The following ATP6V0A4 variants were observed in gnomAD, a reference collection of about 807,000 sequenced individuals.
ATP6V0A4 encodes the protein V-type proton ATPase 116 kDa subunit a 4.
In ATP6V0A4, 86 loss-of-function variants were observed where a neutral mutation model predicts 107.3. The observed-to-expected ratio is 0.80, with a 90% confidence interval of 0.67 to 0.96. The LOEUF (loss-of-function observed/expected upper bound fraction) is 0.96. ATP6V0A4 is among the 40% of genes least tolerant of loss of function. ATP6V0A4 has a pLI of 0.00. For synonymous variants in ATP6V0A4, 353 were observed against 381.4 expected (o/e 0.93, Z 0.87); for missense variants, 908 against 1,045.6 (o/e 0.87, Z 1.81).
chr7:138,726,231 C>G (rs544082100), intron 18 of ATP6V0A4, among the ~76,000 whole-genome samples: 1 of 152,098 alleles, frequency 6.6e-6, no homozygotes, highest in Non-Finnish European at 1.5e-5. Context: ...CCTTGTGATC[C>G]GCCCGCCTCG....
At chr7:138,747,351 T>C (rs1216449890) in intron 13 of ATP6V0A4, 74 bp downstream of exon 13, 2 of 1,542,290 alleles carry the variant, frequency 1.3e-6, no homozygotes, top group Non-Finnish European at 9.0e-7. Context: ...ATGTGTTATT[T>C]CTATGGTGAA....
chr7:138,793,623 TC>T (rs1404733808), intron 1 of ATP6V0A4, among the ~76,000 whole-genome samples: 6 of 152,222 alleles, frequency 3.9e-5, no homozygotes, highest in African/African-American at 1.4e-4. Flanking sequence ...TCATATGGTG[TC>T]TTTTAACTAA....
intron 20 of ATP6V0A4, among the ~76,000 whole-genome samples, chr7:138,712,401 C>G (rs1426474958): frequency 6.6e-6 from 1 of 152,002 alleles, no homozygotes; most frequent in Non-Finnish European, 1.5e-5. Context: ...ACACATAGTG[C>G]CAAACTCTGG....
intron 8 of ATP6V0A4, among the ~76,000 whole-genome samples, chr7:138,758,166 A>T (rs1310344925): frequency 6.6e-6 from 1 of 152,224 alleles, no homozygotes; most frequent in Non-Finnish European, 1.5e-5. Context: ...ATAAAAAGTG[A>T]TGATTTAATG....
intron 10 of ATP6V0A4, among the ~76,000 whole-genome samples, chr7:138,754,372 C>T (rs932472664): frequency 4.7e-5 from 7 of 149,234 alleles, no homozygotes; most frequent in African/African-American, 1.5e-4. Flanking sequence ...CACTTGAACC[C>T]GGGAGGCGGA....
chr7:138,766,188 TATC>T (rs1282136161), intron 5 of ATP6V0A4, among the ~76,000 whole-genome samples: 2 of 148,888 alleles, frequency 1.3e-5, no homozygotes, highest in Admixed American at 6.8e-5. Context: ...CACCTTAAAA[TATC>T]ATGTTATTAT....
intron 18 of ATP6V0A4, among the ~76,000 whole-genome samples, chr7:138,723,777 C>G (rs140545458): frequency 2.0e-5 from 3 of 151,794 alleles, no homozygotes; most frequent in Non-Finnish European, 4.4e-5. Flanking sequence ...CCACCTGCCT[C>G]GGCCTCCCAA....
chr7:138,784,236 G>GTA (rs869254063), intron 2 of ATP6V0A4, among the ~76,000 whole-genome samples: 470 of 16,796 alleles, frequency 0.028, 20 homozygotes, highest in African/African-American at 0.059. Context: ...ATATATATAC[G>GTA]TATATATATA....
intron 14 of ATP6V0A4, among the ~76,000 whole-genome samples, chr7:138,741,580 C>A (rs2117261817): frequency 6.6e-6 from 1 of 152,296 alleles, no homozygotes; most frequent in Middle Eastern, 3.4e-3. Context: ...AAAACAAGAT[C>A]ATTCCACAAT....
chr7:138,790,107 T>C (rs1323384224), intron 1 of ATP6V0A4, among the ~76,000 whole-genome samples: 2 of 152,136 alleles, frequency 1.3e-5, no homozygotes, highest in Non-Finnish European at 2.9e-5. Context: ...CTGTACATCC[T>C]AGATATGACT....
intron 2 of ATP6V0A4, among the ~76,000 whole-genome samples, chr7:138,780,640 C>G (rs764155903): frequency 1.1e-4 from 17 of 152,164 alleles, no homozygotes; most frequent in Non-Finnish European, 1.2e-4. Flanking sequence ...TCCCTGCCAC[C>G]ATAGCCACTT....
intron 7 of ATP6V0A4, among the ~76,000 whole-genome samples, chr7:138,761,236 G>A (rs958048338): frequency 1.3e-5 from 2 of 152,182 alleles, no homozygotes; most frequent in African/African-American, 4.8e-5. Context: ...CGAGGCAGAG[G>A]TAGGAAGATC....
chr7:138,757,744 A>G (rs1447050890), intron 8 of ATP6V0A4, among the ~76,000 whole-genome samples: 2 of 152,234 alleles, frequency 1.3e-5, no homozygotes, highest in Non-Finnish European at 2.9e-5. Flanking sequence ...ATAAAAATCC[A>G]CATGCATAAA....
Position 138,773,348 on chromosome 7 carries a change from C to T in ATP6V0A4, c.-17-2084G>A, listed in dbSNP as rs539519241. Among the ~76,000 whole-genome samples, 26 of 152,278 alleles carry T rather than the reference C, an allele frequency of 1.7e-4. No individual in the cohort carries two copies. Among genetic ancestry groups the T allele is most frequent in the East Asian group, 1.5e-3 (8 of 5,178 alleles). On this transcript the variant is annotated intron_variant, in intron 2 of 21. Transcript: ENST00000310018. The surrounding 1 kb of genome is among the most constrained non-coding windows in gnomAD (Gnocchi z 5.4). ...ATCCTCCTCTCCACCGTCCATCCCA[C>T]GCCCCGCATGACCCTGTCACTCCTC... is the stretch of plus-strand genomic sequence containing the variant.
Position 138,730,341 on chromosome 7 carries a change from A to AGTGTGTGTGTGTGT in ATP6V0A4, c.1909-1493_1909-1480dup, listed in dbSNP as rs369725759. ...CGATGACGTACAAAGCAACGGGATG[A>AGTGTGTGTGTGTGT]GTGTGTGTGTGTGTGTGTGTGTGTG... On this transcript the variant is annotated intron_variant, in intron 17 of 21. Transcript: ENST00000310018. 3.1e-4 allele frequency among the ~76,000 whole-genome samples: 43 copies of AGTGTGTGTGTGTGT among 140,138 alleles called. 1 individual carries two copies. The highest frequency in any genetic ancestry group is 2.6e-3 in the South Asian group (11 of 4,164). 91.9% of individuals were successfully genotyped at this position (140,138 alleles called of 152,430 possible). A position where few individuals can be genotyped will look rare whatever the true frequency, so the allele number is the denominator to read the frequency against.
chr7:138,782,504 T>G (rs4732335), intron 2 of ATP6V0A4, among the ~76,000 whole-genome samples: 10 of 152,080 alleles, frequency 6.6e-5, no homozygotes, highest in African/African-American at 2.2e-4. Context: ...CAACCCATAA[T>G]GAGGGAGAGG....
intron 2 of ATP6V0A4, among the ~76,000 whole-genome samples, chr7:138,774,630 CATTATATAT>C (rs1476700962): frequency 9.6e-5 from 4 of 41,666 alleles, no homozygotes; most frequent in African/African-American, 2.3e-4. Flanking sequence ...ATATTATATA[CATTATATAT>C]ATTATATACA....
intron 14 of ATP6V0A4, among the ~76,000 whole-genome samples, chr7:138,743,591 G>A (rs930487659): frequency 3.9e-5 from 6 of 152,138 alleles, no homozygotes; most frequent in African/African-American, 1.4e-4. Context: ...ACAGATTTTG[G>A]TGAGCCAGTA....
chr7:138,708,543 G>A (rs1482234488), intron 21 of ATP6V0A4, among the ~76,000 whole-genome samples: 3 of 152,162 alleles, frequency 2.0e-5, no homozygotes, highest in Non-Finnish European at 2.9e-5. Context: ...TGCAGCTGAA[G>A]GGCATGCACT....
Sources: gnomAD v4.1 joint callset for allele counts (sites outside exome capture counted in the v4.1 genomes callset) on GRCh38, gnomAD v4.1.1 for gene constraint, Gnocchi (gnomAD v3.1) non-coding constraint, MANE v1.5 for transcripts, NCBI Gene and HGNC (gene_info 2026-07-23, HGNC 2026-07-21) for gene names.